The following SCARB2 variants were observed in gnomAD, a reference collection of about 807,000 sequenced individuals.
SCARB2 encodes scavenger receptor class B member 2, also known as lysosome membrane protein 2.
Under a neutral mutation model 58.6 loss-of-function variants are expected in SCARB2, and 29 were observed. The ratio of observed to expected loss-of-function variants is 0.49; its 90% CI spans 0.37 to 0.67. The LOEUF (loss-of-function observed/expected upper bound fraction) is 0.67. Ranked by LOEUF, SCARB2 falls within the 30% of genes least tolerant of loss-of-function variation. The pLI, the probability that SCARB2 is intolerant of heterozygous loss-of-function variation, is 0.00. For missense variants in SCARB2, 488 were observed against 578.5 expected, an observed-to-expected ratio of 0.84 and a Z score of 1.60; for synonymous variants, 195 against 210.1, an observed-to-expected ratio of 0.93 and a Z score of 0.62.
chr4:76,212,859 C>G (rs371472445), intron 1 of SCARB2, among the ~76,000 whole-genome samples: 98 of 152,300 alleles, frequency 6.4e-4, no homozygotes, highest in African/African-American at 2.1e-3. Flanking sequence ...ACTGTTGGTA[C>G]AAGATACAAA....
intron 1 of SCARB2, among the ~76,000 whole-genome samples, chr4:76,201,621 ACTG>A (rs1427968766): frequency 6.6e-6 from 1 of 152,264 alleles, no homozygotes; most frequent in Non-Finnish European, 1.5e-5. Context: ...GAATTTCAGT[ACTG>A]CAGAATCAAG....
chr4:76,177,475 C>T (rs1016959307), intron 4 of SCARB2, among the ~76,000 whole-genome samples: 1 of 152,062 alleles, frequency 6.6e-6, no homozygotes, highest in African/African-American at 2.4e-5. Context: ...CAAAGTTAAA[C>T]AGAATTCATA....
At chr4:76,195,946 C>A in intron 1 of SCARB2, 82 bp from the exon 2 acceptor site, 1 of 1,005,248 alleles carries the variant, frequency 9.9e-7, no homozygotes, top group South Asian at 1.5e-5. Flanking sequence ...AAGGGACGCC[C>A]CCTATTCTGA....
At chr4:76,231,933 A>G (rs1578754854) in intron 1 of SCARB2, among the ~76,000 whole-genome samples, 2 of 152,232 alleles carry the variant, frequency 1.3e-5, no homozygotes, top group East Asian at 3.8e-4. Context: ...AGGAAAGCAT[A>G]CCCTTCCAGT....
At chr4:76,174,095 C>T (rs1195284737) in intron 7 of SCARB2, 49 bp downstream of exon 7, 4 of 1,608,086 alleles carry the variant, frequency 2.5e-6, no homozygotes, top group African/African-American at 2.7e-5. Context: ...GAACTCCAAT[C>T]CTTCTGCATT....
chr4:76,231,827 A>G (rs1440047180), intron 1 of SCARB2, among the ~76,000 whole-genome samples: 1 of 152,222 alleles, frequency 6.6e-6, no homozygotes, highest in Non-Finnish European at 1.5e-5. Flanking sequence ...TTTACTGACC[A>G]TAGGAACCCT....
At chr4:76,228,520 T>C (rs1464825076) in intron 1 of SCARB2, among the ~76,000 whole-genome samples, 1 of 152,138 alleles carries the variant, frequency 6.6e-6, no homozygotes, top group Admixed American at 6.6e-5. Flanking sequence ...TTAGAATTCC[T>C]TTTAGCATTT....
chr4:76,166,008 A>G, intron 10 of SCARB2: 1 of 593,086 alleles, frequency 1.7e-6, no homozygotes, highest in Non-Finnish European at 3.0e-6. Context: ...AGCTCCCCAG[A>G]AGGGAGTTTT....
chr4:76,211,123 T>C (rs1275446079), intron 1 of SCARB2, among the ~76,000 whole-genome samples: 4 of 152,210 alleles, frequency 2.6e-5, no homozygotes, highest in Non-Finnish European at 5.9e-5. Flanking sequence ...ATAATACACA[T>C]GCAGAGACAA....
At chr4:76,222,921 G>A (rs28442089) in intron 1 of SCARB2, among the ~76,000 whole-genome samples, 10 of 152,150 alleles carry the variant, frequency 6.6e-5, no homozygotes, top group Admixed American at 1.3e-4. Context: ...AGAAAGGCAG[G>A]GGGGGAAGAG....
Position 76,161,696 on chromosome 4 carries a change from C to T in SCARB2, c.*17G>A. ...CAGGACAGCTCACACAGTTTCTTCACCAAGCAAAGGCAATGTTTAGGTTCG... is the reference window on the plus strand; with the variant it reads ...CAGGACAGCTCACACAGTTTCTTCATCAAGCAAAGGCAATGTTTAGGTTCG... On this transcript the variant is annotated 3_prime_UTR_variant, in exon 12 of 12. Coordinates refer to ENST00000264896, the MANE Select transcript of SCARB2 (RefSeq NM_005506.4). The T allele has an allele frequency of 1.9e-6, 3 of 1,614,074 alleles. No individual in the cohort carries two copies. Among genetic ancestry groups the T allele is most frequent in the Non-Finnish European group, 2.5e-6 (3 of 1,179,948 alleles).
rs1302410753 is a variant in SCARB2, at chr4:76,159,499, A to C, written c.*2214T>G. ...AGCACTTTGGGAGGCTGAGGTGGGC[A>C]GATCGCAGGGTCAGGAGATTGAGAC... is the stretch of plus-strand genomic sequence containing the variant. On this transcript the variant is annotated 3_prime_UTR_variant, in exon 12 of 12. Transcript: ENST00000264896. 1 of 152,280 alleles carries C rather than the reference A, an allele frequency of 6.6e-6. No homozygotes were observed. Among genetic ancestry groups the C allele is most frequent in the Non-Finnish European group, 1.5e-5 (1 of 68,108 alleles). The allele number at this position is 152,280 out of a possible 1,614,324, so 9.4% of individuals were successfully genotyped here.
chr4:76,231,925 G>A (rs1363900667), intron 1 of SCARB2, among the ~76,000 whole-genome samples: 1 of 152,214 alleles, frequency 6.6e-6, no homozygotes, highest in Non-Finnish European at 1.5e-5. Context: ...CTCCTTAAAG[G>A]AAAGCATACC....
chr4:76,209,132 G>A (rs9991821), intron 1 of SCARB2, among the ~76,000 whole-genome samples: 28,480 of 152,162 alleles, frequency 0.19, 3,158 homozygotes, highest in Admixed American at 0.26. Flanking sequence ...TATCTTTACA[G>A]GTTTTTTTCT....
intron 1 of SCARB2, among the ~76,000 whole-genome samples, chr4:76,197,061 C>G (rs534054910): frequency 4.6e-5 from 7 of 152,314 alleles, no homozygotes; most frequent in South Asian, 2.1e-4. Context: ...ACTGACAGCC[C>G]TCTACAAGCC....
chr4:76,181,601 G>A (rs1732387285), intron 2 of SCARB2, among the ~76,000 whole-genome samples: 1 of 152,148 alleles, frequency 6.6e-6, no homozygotes, highest in Non-Finnish European at 1.5e-5. Flanking sequence ...GTCTCGCTCT[G>A]TTGCCCAGGC....
chr4:76,228,791 T>G (rs1443310770), intron 1 of SCARB2, among the ~76,000 whole-genome samples: 7 of 152,318 alleles, frequency 4.6e-5, no homozygotes, highest in African/African-American at 1.4e-4. Context: ...ATTCTTTCCT[T>G]CATCTTGATG....
Position 76,166,244 on chromosome 4 carries a change from A to C in SCARB2, c.1239+6T>G. On this transcript the variant is annotated splice_donor_region_variant and intron_variant, in intron 10 of 11. Coordinates refer to ENST00000264896, the MANE Select transcript of SCARB2 (RefSeq NM_005506.4). ...CACCCGTGGCTCCCTCCGTCTCAGG[A>C]CTTACCTCATTGAGGTACATCACTG... 6.2e-7 allele frequency: 1 copy of C among 1,614,106 alleles called. No homozygotes were observed. The highest frequency in any genetic ancestry group is 8.5e-7 in the Non-Finnish European group (1 of 1,179,962).
intron 1 of SCARB2, among the ~76,000 whole-genome samples, chr4:76,221,672 A>G (rs975684941): frequency 2.6e-5 from 4 of 152,238 alleles, no homozygotes; most frequent in African/African-American, 9.6e-5. Flanking sequence ...AAAATACCGC[A>G]TGTTATCACT....
Sources: allele counts gnomAD v4.1 joint callset (sites outside exome capture counted in the v4.1 genomes callset), GRCh38; gene constraint gnomAD v4.1.1; transcripts MANE v1.5; gene names NCBI Gene and HGNC (gene_info 2026-07-23, HGNC 2026-07-21).